CNBD1: variants seen among roughly 807,000 people sequenced by gnomAD.
CNBD1 encodes cyclic nucleotide-binding domain-containing protein 1.
In CNBD1, 71 loss-of-function variants were observed where a neutral mutation model predicts 54.4. That is an observed-to-expected ratio of 1.30 (90% CI 1.08 to 1.59). The LOEUF is 1.59. Among genes scored for constraint, CNBD1 ranks in the 40% most tolerant of loss-of-function variants. The pLI, the probability that CNBD1 is intolerant of heterozygous loss-of-function variation, is 0.00. For synonymous variants in CNBD1, 182 were observed against 170.7 expected (o/e 1.07, Z -0.51); for missense variants, 659 against 518.0 (o/e 1.27, Z -2.64).
chr8:87,416,827 G>T (rs1807845565), intron 2 of CNBD1, among the ~76,000 whole-genome samples: 1 of 151,960 alleles, frequency 6.6e-6, no homozygotes, highest in Non-Finnish European at 1.5e-5. Flanking sequence ...GATGTCACAA[G>T]ATAAGAAAAC....
intron 6 of CNBD1, among the ~76,000 whole-genome samples, chr8:87,281,562 A>C (rs1252390882): frequency 1.9e-4 from 2 of 10,660 alleles, no homozygotes; most frequent in African/African-American, 7.6e-4. Flanking sequence ...ATATATATAT[A>C]TATATATATA....
chr8:87,042,399 C>T (rs143844003), intron 4 of CNBD1, among the ~76,000 whole-genome samples: 178 of 152,162 alleles, frequency 1.2e-3, no homozygotes, highest in African/African-American at 4.1e-3. Flanking sequence ...GTGGTGTCTG[C>T]CTTTCTGTAG....
chr8:87,173,082 C>T (rs1813122905), intron 4 of CNBD1, among the ~76,000 whole-genome samples: 1 of 151,938 alleles, frequency 6.6e-6, no homozygotes, highest in Non-Finnish European at 1.5e-5. Context: ...TAAATACTAC[C>T]TTATAACCAT....
At chr8:86,957,608 T>C (rs966320650) in intron 4 of CNBD1, among the ~76,000 whole-genome samples, 11 of 152,242 alleles carry the variant, frequency 7.2e-5, no homozygotes, top group African/African-American at 2.7e-4. Flanking sequence ...TTTTCTAGTT[T>C]ATTTGCATGG....
intron 6 of CNBD1, among the ~76,000 whole-genome samples, chr8:87,264,121 ATATCTCTTAATGC>A: frequency 6.6e-6 from 1 of 152,160 alleles, no homozygotes; most frequent in South Asian, 2.1e-4. Flanking sequence ...AACATTAGGT[ATATCTCTTAATGC>A]TATCCCTCCC....
chr8:87,310,533 G>A (rs1396968173), intron 8 of CNBD1, among the ~76,000 whole-genome samples: 1 of 152,076 alleles, frequency 6.6e-6, no homozygotes, highest in Non-Finnish European at 1.5e-5. Flanking sequence ...GGAAGAATCA[G>A]TATTGTTAAA....
At chr8:87,021,094 T>A (rs1809479157) in intron 4 of CNBD1, among the ~76,000 whole-genome samples, 1 of 152,220 alleles carries the variant, frequency 6.6e-6, no homozygotes, top group Non-Finnish European at 1.5e-5. Context: ...TTCTTAAATG[T>A]ATTTGATTAA....
At chr8:87,325,740 G>A (rs1465099199) in intron 8 of CNBD1, among the ~76,000 whole-genome samples, 2 of 144,150 alleles carry the variant, frequency 1.4e-5, no homozygotes, top group Non-Finnish European at 3.0e-5. Context: ...ACACTGATGG[G>A]TCTTGACTCT....
chr8:87,388,352 G>T (rs571479068), intron 2 of CNBD1, among the ~76,000 whole-genome samples: 1 of 132,106 alleles, frequency 7.6e-6, no homozygotes, highest in Non-Finnish European at 1.6e-5. Flanking sequence ...TTGATAGACC[G>T]CTAGAAAGAC....
chr8:87,353,702 G>A lies in CNBD1; in HGVS notation c.1219G>A (p.Val407Ile), dbSNP rs376314855. Residue 407 changes from valine (V) to isoleucine (I), a missense_variant, in exon 10 of 11, where the codon GTC becomes ATC. Physicochemically the swap from Val to Ile is conservative, Grantham distance 29 (BLOSUM62 3). Transcript: ENST00000518476. Reference protein sequence around the residue: ...KEKESFGEISVLLQVPFTCTI... With the variant: ...KEKESFGEISILLQVPFTCTI... ...GAAGGAGTCCTTTGGTGAGATTAGC[G>A]TCCTTCTTCAAGTTCCTTTCACGTG... 8.6e-5 allele frequency: 139 copies of A among 1,610,078 alleles called. No individual in the cohort carries two copies. The highest frequency in any genetic ancestry group is 3.3e-4 in the Middle Eastern group (2 of 6,020).
intron 1 of CNBD1, among the ~76,000 whole-genome samples, chr8:86,875,684 T>C (rs1481511780): frequency 2.0e-5 from 3 of 152,140 alleles, no homozygotes; most frequent in African/African-American, 7.2e-5. Flanking sequence ...TGCTATTGCC[T>C]CTGGTGTTTC....
chr8:87,410,022 CA>C (rs879423088), intron 2 of CNBD1, among the ~76,000 whole-genome samples: 139 of 140,124 alleles, frequency 9.9e-4, no homozygotes, highest in Admixed American at 3.6e-3. Flanking sequence ...GACTCTGTTT[CA>C]AAAAAAAAAA....
At chr8:87,277,618 T>C (rs10091205) in intron 6 of CNBD1, among the ~76,000 whole-genome samples, 42,599 of 151,370 alleles carry the variant, frequency 0.28, 6,442 homozygotes, top group African/African-American at 0.39. Context: ...GTATAAGAGG[T>C]CCTGAAAAAT....
chr8:86,955,837 G>C (rs913275170), intron 4 of CNBD1, among the ~76,000 whole-genome samples: 3 of 152,016 alleles, frequency 2.0e-5, no homozygotes, highest in South Asian at 2.1e-4. Context: ...TAGTTTAATT[G>C]GATCCCATTT....
chr8:86,954,411 A>C (rs1807705632), intron 4 of CNBD1, among the ~76,000 whole-genome samples: 1 of 152,204 alleles, frequency 6.6e-6, no homozygotes, highest in Non-Finnish European at 1.5e-5. Flanking sequence ...AATTTACAGA[A>C]AAACCAAATA....
At chr8:87,262,789 G>A (rs1338355829) in intron 6 of CNBD1, among the ~76,000 whole-genome samples, 3 of 152,142 alleles carry the variant, frequency 2.0e-5, no homozygotes, top group Non-Finnish European at 4.4e-5. Flanking sequence ...TATCTGTTCT[G>A]TTAAGTGATT....
intron 2 of CNBD1, among the ~76,000 whole-genome samples, chr8:87,419,638 T>G (rs1489436019): frequency 6.6e-6 from 1 of 151,924 alleles, no homozygotes; most frequent in African/African-American, 2.4e-5. Context: ...AAAAGAGTAA[T>G]GAAATTGATA....
chr8:86,878,362 A>G (rs1294444119), intron 1 of CNBD1, among the ~76,000 whole-genome samples: 1 of 151,928 alleles, frequency 6.6e-6, no homozygotes, highest in Non-Finnish European at 1.5e-5. Flanking sequence ...GACAGATTGA[A>G]TTTTCTTGTA....
chr8:87,360,928 T>C (rs190143223), intron 10 of CNBD1, among the ~76,000 whole-genome samples: 1 of 151,980 alleles, frequency 6.6e-6, no homozygotes, highest in East Asian at 1.9e-4. Flanking sequence ...TGTTAAGCAT[T>C]TCAGGGGCAA....
Sources: allele counts gnomAD v4.1 joint callset (sites outside exome capture counted in the v4.1 genomes callset), GRCh38; gene constraint gnomAD v4.1.1; transcripts MANE v1.5; gene names NCBI Gene and HGNC (gene_info 2026-07-23, HGNC 2026-07-21).